Variants in CHIC2 observed in about 807,000 individuals in gnomAD.
The protein encoded by CHIC2 is cysteine rich hydrophobic domain 2.
A neutral mutation model predicts 25.9 loss-of-function variants in CHIC2; 14 were observed. The observed-to-expected ratio is 0.54, with a 90% CI of 0.36 to 0.85. The LOEUF is 0.85. CHIC2 is among the 40% of genes least tolerant of loss of function. The probability of loss-of-function intolerance (pLI) is 0.01; values close to 1 mark genes in which losing one functional copy is unlikely to be tolerated. For missense variants in CHIC2, 146 were observed against 202.0 expected (o/e 0.72, Z 1.68); for synonymous variants, 70 against 72.0 (o/e 0.97, Z 0.14).
intron 3 of CHIC2, among the ~76,000 whole-genome samples, chr4:54,036,295 G>T (rs1239969710): frequency 6.6e-6 from 1 of 152,146 alleles, no homozygotes; most frequent in Non-Finnish European, 1.5e-5. Flanking sequence ...GGCTGTTCTT[G>T]CATTGCTATA....
At chr4:54,049,223 A>T in intron 2 of CHIC2, 28 bp downstream of exon 2, 1 of 1,583,458 alleles carries the variant, frequency 6.3e-7, no homozygotes, top group Non-Finnish European at 8.6e-7. Context: ...TTTGAGGCAT[A>T]CAAATAGTAC....
At chr4:54,088,611 G>C in the CHIC2 span, among the ~76,000 whole-genome samples, 1 of 152,106 alleles carries the variant, frequency 6.6e-6, no homozygotes, top group Non-Finnish European at 1.5e-5. Flanking sequence ...TGGTTGGAGT[G>C]GTCAGAGACA....
chr4:54,029,782 C>G (rs778882210), intron 3 of CHIC2, among the ~76,000 whole-genome samples: 1 of 152,150 alleles, frequency 6.6e-6, no homozygotes, highest in African/African-American at 2.4e-5. Flanking sequence ...TTTAATACAT[C>G]GGTATAACTG....
At chr4:54,040,736 G>A (rs1296312826) in intron 3 of CHIC2, among the ~76,000 whole-genome samples, 1 of 147,258 alleles carries the variant, frequency 6.8e-6, no homozygotes, top group Non-Finnish European at 1.5e-5. Flanking sequence ...AAATTAGCTG[G>A]GTGTGGCTGC....
the CHIC2 span, among the ~76,000 whole-genome samples, chr4:54,076,082 T>G: frequency 6.6e-6 from 1 of 151,606 alleles, no homozygotes; most frequent in African/African-American, 2.4e-5. Context: ...AGCTCAGGAG[T>G]TCAAGAACAG....
intron 3 of CHIC2, among the ~76,000 whole-genome samples, chr4:54,019,022 TTTG>T (rs1394835807): frequency 4.6e-5 from 7 of 151,900 alleles, no homozygotes; most frequent in Non-Finnish European, 8.8e-5. Context: ...GTAAATTGAA[TTTG>T]TTAAGTAAAA....
intron 1 of CHIC2, among the ~76,000 whole-genome samples, chr4:54,061,380 GC>G (rs1717328203): frequency 6.6e-6 from 1 of 152,012 alleles, no homozygotes; most frequent in Non-Finnish European, 1.5e-5. Flanking sequence ...ATTGTAAAGG[GC>G]TACTCAAAAG....
At position 54,064,107 on chromosome 4, in the gene CHIC2, G is replaced by A. The variant is rs1168062071; in HGVS notation, c.119+75C>T. 3.0e-6 allele frequency: 4 copies of A among 1,325,656 alleles called. No homozygotes were observed. The highest frequency in any genetic ancestry group is 2.5e-5 in the South Asian group (2 of 78,952). The allele number at this position is 1,325,656 out of a possible 1,614,324, so 82.1% of individuals were successfully genotyped here. ...CCCCCGACACCAGACGGACACAGGG[G>A]AAACGGGGCTCCCGTGGAGTAACGG... On this transcript the variant is annotated intron_variant, in intron 1 of 5. Coordinates refer to ENST00000263921, the MANE Select transcript of CHIC2 (RefSeq NM_012110.4). This position sits in a 1 kb window ranked among gnomAD's most constrained non-coding sequence, Gnocchi z 4.2.
intron 3 of CHIC2, among the ~76,000 whole-genome samples, 182 bp from the exon 4 acceptor site, chr4:54,014,301 A>C (rs1000370706): frequency 6.6e-6 from 1 of 152,136 alleles, no homozygotes; most frequent in African/African-American, 2.4e-5. Flanking sequence ...ACTCTTTCTT[A>C]AAAAAGATAT....
At chr4:54,091,241 G>A in the CHIC2 span, among the ~76,000 whole-genome samples, 2 of 152,210 alleles carry the variant, frequency 1.3e-5, no homozygotes, top group East Asian at 1.9e-4. Context: ...GCTGAGTGAC[G>A]CCAGTTTCAA....
At chr4:54,075,830 G>A in the CHIC2 span, among the ~76,000 whole-genome samples, 2 of 152,136 alleles carry the variant, frequency 1.3e-5, no homozygotes, top group Non-Finnish European at 2.9e-5. Context: ...TTACAGATGT[G>A]AGCCACTGTG....
intron 3 of CHIC2, among the ~76,000 whole-genome samples, chr4:54,042,230 T>C (rs1341858191): frequency 6.6e-6 from 1 of 152,134 alleles, no homozygotes; most frequent in Admixed American, 6.5e-5. Context: ...TAAAATTAAA[T>C]GCATCAAATA....
chr4:54,026,938 G>C (rs911715859), intron 3 of CHIC2, among the ~76,000 whole-genome samples: 1 of 151,794 alleles, frequency 6.6e-6, no homozygotes, highest in Non-Finnish European at 1.5e-5. Flanking sequence ...TTTGTAAATC[G>C]AACTTTTTTA....
intron 3 of CHIC2, among the ~76,000 whole-genome samples, chr4:54,021,389 C>T (rs1724538027): frequency 6.6e-6 from 1 of 152,100 alleles, no homozygotes; most frequent in South Asian, 2.1e-4. Context: ...AGTCTCCACA[C>T]CAAGCTCTGA....
chr4:54,058,588 A>ACG lies in CHIC2; in HGVS notation c.119+5593_119+5594insCG, dbSNP rs1717245947. ...CACACACACACACACACACACACAC[A>ACG]CACACACAATCTTACACAGAAGATA... On this transcript the variant is annotated intron_variant, in intron 1 of 5. Transcript: ENST00000263921. Among the ~76,000 whole-genome samples the ACG allele has an allele frequency of 7.2e-5, 11 of 151,878 alleles. No homozygotes were observed. The South Asian group carries it at 2.3e-3, about 32-fold the overall frequency.
chr4:54,081,183 T>C, the CHIC2 span, among the ~76,000 whole-genome samples: 2 of 151,576 alleles, frequency 1.3e-5, no homozygotes, highest in African/African-American at 4.8e-5. Flanking sequence ...AGAGACAGGG[T>C]CTCACTATGT....
At chr4:54,075,067 T>A in the CHIC2 span, among the ~76,000 whole-genome samples, 1 of 152,156 alleles carries the variant, frequency 6.6e-6, no homozygotes, top group Non-Finnish European at 1.5e-5. Context: ...GCTGTGATTG[T>A]GCCACTGCAC....
In CHIC2 at chr4:54,021,660, G is replaced by A. The variant is rs951648190; in HGVS notation, c.331-7541C>T. ...GGTTAATGTTCCTTTTTCTTTATCCGACCTCTCCCAAATCAGTTAGCGTTT... is the reference window on the plus strand; with the variant it reads ...GGTTAATGTTCCTTTTTCTTTATCCAACCTCTCCCAAATCAGTTAGCGTTT... On this transcript the variant is annotated intron_variant, in intron 3 of 5. Transcript: ENST00000263921. Among the ~76,000 whole-genome samples, 9 of 151,900 alleles carry A rather than the reference G, an allele frequency of 5.9e-5. No homozygotes were observed. In the South Asian group the frequency reaches 1.2e-3, roughly 21 times the overall value.
At chr4:54,013,656 A>G (rs1273589984) in intron 5 of CHIC2, among the ~76,000 whole-genome samples, 181 bp downstream of exon 5, 3 of 152,162 alleles carry the variant, frequency 2.0e-5, no homozygotes, top group Non-Finnish European at 4.4e-5. Flanking sequence ...CAAGTCATTC[A>G]TAACTTTATA....
Sources: allele counts gnomAD v4.1 joint callset (sites outside exome capture counted in the v4.1 genomes callset), GRCh38; gene constraint gnomAD v4.1.1; non-coding constraint Gnocchi (gnomAD v3.1); transcripts MANE v1.5; gene names NCBI Gene and HGNC (gene_info 2026-07-23, HGNC 2026-07-21).